Variants in TVP23C observed in about 807,000 individuals in gnomAD.
TVP23C encodes trans-golgi network vesicle protein 23 homolog C, also known as Golgi apparatus membrane protein TVP23 homolog C.
Under a neutral mutation model 28.7 loss-of-function variants are expected in TVP23C, and 19 were observed. That is an observed-to-expected ratio of 0.66 (90% CI 0.46 to 0.97). The LOEUF is 0.97. Ranked by LOEUF, TVP23C falls within the 50% of genes least tolerant of loss-of-function variation. TVP23C has a pLI of 0.00. For missense variants in TVP23C, 186 were observed against 241.3 expected, an observed-to-expected ratio of 0.77 and a Z score of 1.52; for synonymous variants, 68 against 81.7, an observed-to-expected ratio of 0.83 and a Z score of 0.90.
At chr17:15,530,274 T>G (rs958541722) in intron 5 of TVP23C, among the ~76,000 whole-genome samples, 16 of 152,236 alleles carry the variant, frequency 1.1e-4, no homozygotes, top group Non-Finnish European at 2.2e-4. Context: ...GTATATCATT[T>G]TGATTTCCTT....
downstream of TVP23C, among the ~76,000 whole-genome samples, chr17:15,536,404 T>C (rs1415856866): frequency 2.6e-5 from 4 of 152,306 alleles, 1 homozygote; most frequent in African/African-American, 9.6e-5. Context: ...TTCCTGGAAG[T>C]GTATCCATTG....
At chr17:15,543,307 A>G (rs1983501005) in intron 5 of TVP23C, among the ~76,000 whole-genome samples, 1 of 150,830 alleles carries the variant, frequency 6.6e-6, no homozygotes, top group Non-Finnish European at 1.5e-5. Context: ...AACCAGCAGA[A>G]AGAGAAGGGC....
chr17:15,545,541 C>G (rs1983606577), intron 5 of TVP23C, among the ~76,000 whole-genome samples: 1 of 152,288 alleles, frequency 6.6e-6, no homozygotes, highest in South Asian at 2.1e-4. Context: ...AACAGATTAC[C>G]AACCATTATT....
At chr17:15,510,811 C>A (rs966468531) in intron 5 of TVP23C, among the ~76,000 whole-genome samples, 3 of 152,052 alleles carry the variant, frequency 2.0e-5, no homozygotes, top group Non-Finnish European at 4.4e-5. Flanking sequence ...GTAATCCCAG[C>A]ACGTTGGGAG....
intron 5 of TVP23C, among the ~76,000 whole-genome samples, chr17:15,543,151 C>G (rs2532468): frequency 0.013 from 1,904 of 141,640 alleles, 56 homozygotes; most frequent in East Asian, 0.086. Flanking sequence ...CCAGCCAAGA[C>G]AGCAAGAGCC....
chr17:15,555,883 A>G (rs1409109435), intron 1 of TVP23C, among the ~76,000 whole-genome samples: 2 of 151,858 alleles, frequency 1.3e-5, no homozygotes, highest in Non-Finnish European at 2.9e-5. Flanking sequence ...CTGTATTTAC[A>G]CTTTCTTCTA....
chr17:15,537,510 C>T lies in TVP23C; in HGVS notation c.*2902G>A, dbSNP rs539092168. The T allele has an allele frequency of 4.1e-6, 4 of 984,776 alleles. No homozygotes were observed. The highest frequency in any genetic ancestry group is 2.3e-4 in the East Asian group (2 of 8,804). 61.0% of individuals were successfully genotyped at this position (984,776 alleles called of 1,614,324 possible). On this transcript the variant is annotated 3_prime_UTR_variant, in exon 6 of 6. Transcript: ENST00000518321. ...ATGATTCCACTTATATTAACTGGGC[C>T]TTAAGTAGATAACTTCTTACAAACA...
rs868654421 is a variant in TVP23C at position 15,539,528 on chromosome 17, G to A, written c.*884C>T. Reference sequence around the variant, plus strand: ...TGATGCAGGAGAATGGCGTGAACCCGGGAGGCGGAGCTTGCAGTAAGCCGA... The same window carrying A: ...TGATGCAGGAGAATGGCGTGAACCCAGGAGGCGGAGCTTGCAGTAAGCCGA... On this transcript the variant is annotated 3_prime_UTR_variant, in exon 6 of 6. Transcript: ENST00000518321. 173 of 642,112 alleles carry A rather than the reference G, an allele frequency of 2.7e-4. No homozygotes were observed. In the Middle Eastern group the frequency reaches 7.1e-3, roughly 26 times the overall value. The allele number at this position is 642,112 out of a possible 1,614,324, so 39.8% of individuals were successfully genotyped here.
At chr17:15,548,613 T>C (rs1284184284) in intron 3 of TVP23C, among the ~76,000 whole-genome samples, 1 of 152,262 alleles carries the variant, frequency 6.6e-6, no homozygotes, top group Non-Finnish European at 1.5e-5. Context: ...TGTACTATAC[T>C]TGCTGCAGTT....
rs1984203686 is a variant in TVP23C, at chr17:15,557,819, A to G, written c.13-2455T>C. ...GAAGCTTTCTGGAGGAGAGTTTGTC[A>G]GCTGGGCCCTGACAGTCCGCGTAGG... On this transcript the variant is annotated intron_variant, in intron 1 of 5. Coordinates refer to ENST00000518321, the MANE Select transcript of TVP23C (RefSeq NM_001135036.2). 1.4e-5 allele frequency among the ~76,000 whole-genome samples: 2 copies of G among 140,256 alleles called. 1 individual carries two copies. Among genetic ancestry groups the G allele is most frequent in the Admixed American group, 1.5e-4 (2 of 13,484 alleles). The allele number at this position is 140,256 out of a possible 152,430, so 92.0% of individuals were successfully genotyped here. A position where few individuals can be genotyped will look rare whatever the true frequency, so the allele number is the denominator to read the frequency against.
At chr17:15,535,064 G>T (rs1056793919), downstream of TVP23C, among the ~76,000 whole-genome samples, 1 of 145,822 alleles carries the variant, frequency 6.9e-6, no homozygotes, top group East Asian at 2.0e-4. Context: ...AAAAAAAATG[G>T]AAAACCACTT....
chr17:15,542,739 G>GTGC lies in TVP23C; in HGVS notation c.463-2181_463-2179dup, dbSNP rs544369320. Among the ~76,000 whole-genome samples the GTGC allele has an allele frequency of 1.9e-3, 293 of 152,308 alleles. 1 individual carries two copies. Among genetic ancestry groups the GTGC allele is most frequent in the South Asian group, 5.2e-3 (25 of 4,824 alleles). ...ATCCGCCCGCCTTGGCCCTCCCAAA[G>GTGC]TGCTGGGATTACAGGCATGAGCCAC... is the stretch of plus-strand genomic sequence containing the variant. On this transcript the variant is annotated intron_variant, in intron 5 of 5. Transcript: ENST00000518321.
chr17:15,544,685 G>A (rs893971588), intron 5 of TVP23C, among the ~76,000 whole-genome samples: 3 of 152,076 alleles, frequency 2.0e-5, no homozygotes, highest in Admixed American at 1.3e-4. Context: ...CATAAATACT[G>A]AATACATTTC....
chr17:15,553,796 A>C lies in TVP23C; in HGVS notation c.129T>G (p.Phe43Leu). The change falls in exon 3 of 6, where the codon TTT (phenylalanine) becomes TTG (leucine). Residue 43 changes from phenylalanine (F) to leucine (L), a missense_variant. Transcript: ENST00000518321. ...HPVASFFHLFFRVSAIIVCLL... is the reference protein window; with the variant it reads ...HPVASFFHLFLRVSAIIVCLL... ...GACAGACGATGATTGCACTGACTCG[A>C]AAGAATAAGTGGAAAAACGATGCTA... 1 of 1,613,974 alleles carries C rather than the reference A, an allele frequency of 6.2e-7. No individual in the cohort carries two copies. The highest frequency in any genetic ancestry group is 1.1e-5 in the South Asian group (1 of 91,080).
At chr17:15,535,214 T>A (rs1474740103), downstream of TVP23C, among the ~76,000 whole-genome samples, 1 of 152,194 alleles carries the variant, frequency 6.6e-6, no homozygotes, top group African/African-American at 2.4e-5. Flanking sequence ...AGTACTGGGC[T>A]CTATGTACCC....
downstream of TVP23C, among the ~76,000 whole-genome samples, chr17:15,535,262 T>A (rs550679615): frequency 6.6e-6 from 1 of 152,212 alleles, no homozygotes; most frequent in South Asian, 2.1e-4. Context: ...TACTGCTTCA[T>A]CCAATGAAGT....
intron 5 of TVP23C, among the ~76,000 whole-genome samples, chr17:15,525,732 C>T (rs1436369208): frequency 1.3e-5 from 2 of 152,166 alleles, no homozygotes; most frequent in Admixed American, 6.5e-5. Context: ...ATCTCTGGCA[C>T]GAGACCCACA....
chr17:15,502,810 CTCTCTCT>C, exon 6 of TVP23C: 1 of 132,178 alleles, frequency 7.6e-6, no homozygotes, highest in Non-Finnish European at 1.2e-5. Context: ...CCTCTCTCTC[CTCTCTCT>C]CTCTCTCTCT....
chr17:15,515,545 G>C (rs1220817908), intron 5 of TVP23C, among the ~76,000 whole-genome samples: 1 of 152,174 alleles, frequency 6.6e-6, no homozygotes, highest in African/African-American at 2.4e-5. Flanking sequence ...CGATTTTCAT[G>C]CTGAAAAAGT....
Sources: gnomAD v4.1 joint callset for allele counts (sites outside exome capture counted in the v4.1 genomes callset) on GRCh38, gnomAD v4.1.1 for gene constraint, MANE v1.5 for transcripts, NCBI Gene and HGNC (gene_info 2026-07-23, HGNC 2026-07-21) for gene names.